Variants in GATAD2B observed in about 807,000 individuals in gnomAD.
GATAD2B encodes the protein transcriptional repressor p66-beta.
GATAD2B carries 8 observed loss-of-function variants against 64.3 expected under a neutral mutation model. The observed-to-expected ratio is 0.12, with a 90% confidence interval of 0.07 to 0.22. The LOEUF is 0.22. GATAD2B is among the 10% of genes least tolerant of loss of function. The probability of loss-of-function intolerance (pLI) is 1.00; values close to 1 mark genes in which losing one functional copy is unlikely to be tolerated. For missense variants in GATAD2B, 453 were observed against 752.0 expected, an observed-to-expected ratio of 0.60 and a Z score of 4.65; for synonymous variants, 281 against 271.3, an observed-to-expected ratio of 1.04 and a Z score of -0.35.
chr1:153,918,558 C>T (rs188113263), intron 1 of GATAD2B, among the ~76,000 whole-genome samples: 4 of 152,240 alleles, frequency 2.6e-5, no homozygotes, highest in Admixed American at 2.0e-4. Flanking sequence ...TTATAAATTC[C>T]ACCCTCCCTT....
chr1:153,912,980 C>CTT (rs1678151134), intron 1 of GATAD2B, among the ~76,000 whole-genome samples: 1 of 152,044 alleles, frequency 6.6e-6, no homozygotes, highest in Admixed American at 6.6e-5. Context: ...CCCAGCTATA[C>CTT]GGGAGACTGA....
intron 1 of GATAD2B, chr1:153,852,732 A>G (rs4540690): frequency 0.45 from 416,192 of 919,088 alleles, 100,814 homozygotes; most frequent in Non-Finnish European, 0.51. Context: ...GAAGCTTGGT[A>G]GACAGGGAGT....
chr1:153,898,008 A>C (rs956257945), intron 1 of GATAD2B, among the ~76,000 whole-genome samples: 19 of 150,858 alleles, frequency 1.3e-4, no homozygotes, highest in African/African-American at 2.4e-4. Flanking sequence ...AAAAAACAAA[A>C]AAAAAAAAAC....
Position 153,828,099 on chromosome 1 carries a change from G to A in GATAD2B, c.249C>T (p.Leu83=). The change falls in exon 2 of 11, where the codon CTC becomes CTT. Residue 83 remains leucine (L), a synonymous_variant. Transcript: ENST00000368655. ...CAGTCCTGTTGTCTCCATGAGGCCT[G>A]AGATTCCCGTTAAGTTTTTCTTCAT... ...KGYEEKLNGN[L]RPHGDNRTAG... is the part of the protein sequence containing the mutation. The A allele has an allele frequency of 1.2e-6, 2 of 1,614,142 alleles. No homozygotes were observed. The highest frequency in any genetic ancestry group is 1.7e-6 in the Non-Finnish European group (2 of 1,180,018).
At chr1:153,916,279 A>G (rs78606980) in intron 1 of GATAD2B, among the ~76,000 whole-genome samples, 1 of 80,350 alleles carries the variant, frequency 1.2e-5, no homozygotes, top group Non-Finnish European at 3.1e-5. Flanking sequence ...CACCTCAAGA[A>G]AAAAAAAAAA....
Position 153,816,682 on chromosome 1 carries a change from G to T in GATAD2B, c.901-94C>A. 1.3e-6 allele frequency: 1 copy of T among 770,330 alleles called. No individual in the cohort carries two copies. The highest frequency in any genetic ancestry group is 2.1e-6 in the Non-Finnish European group (1 of 472,306). The allele number at this position is 770,330 out of a possible 1,614,324, so 47.7% of individuals were successfully genotyped here. On this transcript the variant is annotated intron_variant, in intron 6 of 10. Coordinates refer to ENST00000368655, the MANE Select transcript of GATAD2B (RefSeq NM_020699.4). This position sits in a 1 kb window ranked among gnomAD's most constrained non-coding sequence, Gnocchi z 4.9. ...AGAGGACACTGTCTGATCCTGGTTT[G>T]GACTACTTAGCTTCTCCAAAAATAG...
chr1:153,863,406 G>C (rs1337891736), intron 1 of GATAD2B, among the ~76,000 whole-genome samples: 7 of 150,808 alleles, frequency 4.6e-5, no homozygotes, highest in Admixed American at 2.7e-4. Flanking sequence ...TGAGGCAGGA[G>C]AATCACTTGA....
intron 1 of GATAD2B, chr1:153,852,391 T>C (rs563695606): frequency 5.3e-5 from 43 of 809,858 alleles, no homozygotes; most frequent in East Asian, 1.2e-4. Context: ...GGCCTGACCT[T>C]GGATGTTCTG....
chr1:153,861,796 A>AAAAAAAAAAAAAAAATT (rs1676297818), intron 1 of GATAD2B, among the ~76,000 whole-genome samples: 1 of 33,264 alleles, frequency 3.0e-5, no homozygotes, highest in Non-Finnish European at 7.8e-5. Context: ...AAAAAAAAAA[A>AAAAAAAAAAAAAAAATT]TATATATATA....
intron 1 of GATAD2B, among the ~76,000 whole-genome samples, chr1:153,842,184 A>G (rs1236694868): frequency 6.6e-6 from 1 of 152,158 alleles, no homozygotes; most frequent in Non-Finnish European, 1.5e-5. Context: ...GTGTGTGGTA[A>G]TATTTCATTG....
At chr1:153,884,274 C>A (rs990328524) in intron 1 of GATAD2B, among the ~76,000 whole-genome samples, 3 of 152,124 alleles carry the variant, frequency 2.0e-5, no homozygotes, top group Admixed American at 2.0e-4. Context: ...CCCGTCTCTA[C>A]TAAAAATACA....
rs746613340 is a variant in GATAD2B, at chr1:153,810,600, G to A, written c.1649-290C>T. Among the ~76,000 whole-genome samples the A allele has an allele frequency of 2.7e-5, 4 of 150,548 alleles. No individual in the cohort carries two copies. In the South Asian group the frequency reaches 6.3e-4, roughly 24 times the overall value. ...CTCCAGAGTAGCTGGAATTATAGGC[G>A]CGTGCCACTACTGCCCGGCTATTTT... is the stretch of plus-strand genomic sequence containing the variant. On this transcript the variant is annotated intron_variant, in intron 10 of 10. Transcript: ENST00000368655.
intron 1 of GATAD2B, among the ~76,000 whole-genome samples, chr1:153,922,519 G>A (rs908302789): frequency 1.4e-5 from 2 of 147,908 alleles, no homozygotes; most frequent in East Asian, 2.0e-4. Context: ...GCGCGAGGCG[G>A]GGGCGCGCCG....
At chr1:153,895,993 T>TAAAAAAAAAAAAAAAAAAAA (rs376526598) in intron 1 of GATAD2B, among the ~76,000 whole-genome samples, 1 of 128,644 alleles carries the variant, frequency 7.8e-6, no homozygotes. Context: ...GACTCTGTCT[T>TAAAAAAAAAAAAAAAAAAAA]AAAAAAAAAA....
chr1:153,885,650 G>A (rs941936535), intron 1 of GATAD2B, among the ~76,000 whole-genome samples: 1 of 151,806 alleles, frequency 6.6e-6, no homozygotes, highest in Non-Finnish European at 1.5e-5. Context: ...GGTGGATCAC[G>A]AGGAGATTGA....
chr1:153,881,763 G>A (rs1310096788), intron 1 of GATAD2B, among the ~76,000 whole-genome samples: 1 of 150,920 alleles, frequency 6.6e-6, no homozygotes, highest in Non-Finnish European at 1.5e-5. Context: ...AAAATAATGA[G>A]ATGGGTTTAG....
chr1:153,922,409 A>C lies in GATAD2B; in HGVS notation c.-2+324T>G, dbSNP rs1380777237. On this transcript the variant is annotated intron_variant, in intron 1 of 10. Transcript: ENST00000368655. ...GCGTGAGGGAGGGGAGAAAGAGTAC[A>C]AGGAGACGAAATGAAGGGACACGAG... is the stretch of plus-strand genomic sequence containing the variant. Among the ~76,000 whole-genome samples the C allele has an allele frequency of 2.0e-5, 3 of 150,692 alleles. No homozygotes were observed. In the East Asian group the frequency reaches 5.9e-4, roughly 30 times the overall value.
intron 2 of GATAD2B, chr1:153,827,550 A>C (rs1226786810): frequency 2.4e-5 from 4 of 164,210 alleles, no homozygotes; most frequent in Non-Finnish European, 5.3e-5. Flanking sequence ...AAGAATGCAG[A>C]GACTTACCAC....
At chr1:153,918,316 T>C (rs1178397742) in intron 1 of GATAD2B, among the ~76,000 whole-genome samples, 2 of 152,350 alleles carry the variant, frequency 1.3e-5, no homozygotes, top group East Asian at 3.9e-4. Context: ...TTCAAGGCTC[T>C]CCACAACCTG....
Sources: allele counts gnomAD v4.1 joint callset (sites outside exome capture counted in the v4.1 genomes callset), GRCh38; gene constraint gnomAD v4.1.1; non-coding constraint Gnocchi (gnomAD v3.1); transcripts MANE v1.5; gene names NCBI Gene and HGNC (gene_info 2026-07-23, HGNC 2026-07-21).